DLG2: variants seen among roughly 807,000 people sequenced by gnomAD.
DLG2 encodes discs large MAGUK scaffold protein 2, also known as disks large homolog 2.
DLG2 carries 45 observed loss-of-function variants against 132.5 expected under a neutral mutation model. The ratio of observed to expected loss-of-function variants is 0.34; its 90% CI spans 0.27 to 0.44. The LOEUF is 0.44. DLG2 is among the 20% of genes least tolerant of loss of function. The pLI is 1.00. For missense variants in DLG2, 1,045 were observed against 1,196.9 expected, an observed-to-expected ratio of 0.87 and a Z score of 1.87; for synonymous variants, 424 against 419.6, an observed-to-expected ratio of 1.01 and a Z score of -0.13.
At chr11:84,438,869 A>C (rs1324485610) in intron 7 of DLG2, among the ~76,000 whole-genome samples, 1 of 152,220 alleles carries the variant, frequency 6.6e-6, no homozygotes, top group Non-Finnish European at 1.5e-5. Flanking sequence ...TGAGCAATGA[A>C]GAATCAAAGA....
chr11:84,463,895 G>A (rs2099087054), intron 7 of DLG2, among the ~76,000 whole-genome samples: 1 of 151,218 alleles, frequency 6.6e-6, no homozygotes, highest in Non-Finnish European at 1.5e-5. Flanking sequence ...TAGACTAAGA[G>A]AGAAAGGGAG....
intron 18 of DLG2, among the ~76,000 whole-genome samples, chr11:83,719,586 G>A (rs557663511): frequency 2.4e-4 from 36 of 152,256 alleles, no homozygotes; most frequent in Non-Finnish European, 4.6e-4. Context: ...GAGGCAAGGT[G>A]GAAGTAGGTT....
intron 18 of DLG2, among the ~76,000 whole-genome samples, chr11:83,711,118 T>A (rs192155985): frequency 6.6e-6 from 1 of 152,302 alleles, no homozygotes; most frequent in African/African-American, 2.4e-5. Flanking sequence ...TATTGAACTG[T>A]GCATTCAAAG....
chr11:83,487,852 G>GTAAT lies in DLG2; in HGVS notation c.2194-3628_2194-3625dup, dbSNP rs566637696. Among the ~76,000 whole-genome samples, 27 of 152,116 alleles carry GTAAT rather than the reference G, an allele frequency of 1.8e-4. No homozygotes were observed. The East Asian group carries it at 5.2e-3, about 29-fold the overall frequency. On this transcript the variant is annotated intron_variant, in intron 21 of 27. Coordinates refer to ENST00000376104, the MANE Select transcript of DLG2 (RefSeq NM_001142699.3). ...ACAGGCCATGAACGGCAATTAAAAG[G>GTAAT]TAATTGCCCATTAACTGGCAAATCT... is the stretch of plus-strand genomic sequence containing the variant.
chr11:83,734,650 C>T (rs1468397408), intron 18 of DLG2, among the ~76,000 whole-genome samples: 3 of 152,004 alleles, frequency 2.0e-5, no homozygotes, highest in African/African-American at 7.2e-5. Flanking sequence ...GGGGTTTCAC[C>T]ACGTTGGCTA....
intron 10 of DLG2, among the ~76,000 whole-genome samples, chr11:84,077,295 A>C (rs1175389764): frequency 6.6e-6 from 1 of 152,168 alleles, no homozygotes; most frequent in African/African-American, 2.4e-5. Context: ...CCCTACCAAG[A>C]AAAAGAGAAA....
chr11:85,427,970 T>C (rs1476355434), intron 3 of DLG2, among the ~76,000 whole-genome samples: 1 of 152,110 alleles, frequency 6.6e-6, no homozygotes, highest in Admixed American at 6.5e-5. Context: ...AGGCAGAGGT[T>C]GCAATCCTAG....
chr11:84,706,003 T>C (rs926478799), intron 6 of DLG2, among the ~76,000 whole-genome samples: 6 of 151,776 alleles, frequency 4.0e-5, no homozygotes, highest in Non-Finnish European at 8.8e-5. Context: ...TTGTGACACT[T>C]GAGTTCAATA....
chr11:85,506,684 G>A (rs1448031758), intron 3 of DLG2, among the ~76,000 whole-genome samples: 3 of 152,196 alleles, frequency 2.0e-5, no homozygotes, highest in Non-Finnish European at 4.4e-5. Flanking sequence ...TGAGAAGAAT[G>A]TATATTCTGT....
chr11:84,749,565 C>T (rs2065832134), intron 6 of DLG2, among the ~76,000 whole-genome samples: 1 of 152,142 alleles, frequency 6.6e-6, no homozygotes, highest in African/African-American at 2.4e-5. Context: ...AGCAGTGGGT[C>T]ATACCATGTA....
chr11:84,564,484 G>C (rs186034199), intron 6 of DLG2, among the ~76,000 whole-genome samples: 1 of 152,132 alleles, frequency 6.6e-6, no homozygotes, highest in African/African-American at 2.4e-5. Context: ...AGGCAGGGGG[G>C]TTGCTTGGGA....
At chr11:83,748,537 C>T (rs975070843) in intron 18 of DLG2, among the ~76,000 whole-genome samples, 2 of 152,180 alleles carry the variant, frequency 1.3e-5, no homozygotes, top group Non-Finnish European at 2.9e-5. Context: ...GAGAGATAAA[C>T]AGTCATTACA....
chr11:83,690,646 T>A (rs928793708), intron 18 of DLG2, among the ~76,000 whole-genome samples: 1 of 123,976 alleles, frequency 8.1e-6, no homozygotes, highest in African/African-American at 3.2e-5. Context: ...TATACCTCTG[T>A]AGAGGGTATC....
intron 21 of DLG2, among the ~76,000 whole-genome samples, chr11:83,488,413 A>G (rs2093651303): frequency 6.6e-6 from 1 of 151,992 alleles, no homozygotes; most frequent in Non-Finnish European, 1.5e-5. Flanking sequence ...CTGAGATGTA[A>G]TGGCATTGGT....
intron 6 of DLG2, among the ~76,000 whole-genome samples, chr11:84,970,441 C>T (rs1182822244): frequency 6.6e-6 from 1 of 152,166 alleles, no homozygotes; most frequent in African/African-American, 2.4e-5. Flanking sequence ...TAACAAAATA[C>T]CATAAACCGC....
intron 7 of DLG2, among the ~76,000 whole-genome samples, chr11:84,503,960 T>C (rs190639582): frequency 3.3e-5 from 5 of 152,290 alleles, no homozygotes; most frequent in African/African-American, 9.6e-5. Flanking sequence ...CTCTGATGAA[T>C]TGGAGTGTGA....
chr11:85,372,288 C>G (rs953537094), intron 3 of DLG2, among the ~76,000 whole-genome samples: 10 of 152,324 alleles, frequency 6.6e-5, no homozygotes, highest in South Asian at 2.1e-4. Context: ...GGCTGGGCAC[C>G]AGGCAGCCAA....
At chr11:84,110,117 A>C (rs1351007302) in intron 9 of DLG2, among the ~76,000 whole-genome samples, 1 of 152,170 alleles carries the variant, frequency 6.6e-6, no homozygotes, top group African/African-American at 2.4e-5. Context: ...CTCAAACTCC[A>C]ATGCCTATGA....
chr11:85,616,382 G>T (rs1425399251), intron 2 of DLG2, among the ~76,000 whole-genome samples: 2 of 152,138 alleles, frequency 1.3e-5, no homozygotes, highest in African/African-American at 4.8e-5. Context: ...ACAGGATCTT[G>T]GTGGCATCAT....
Sources: allele counts gnomAD v4.1 joint callset (sites outside exome capture counted in the v4.1 genomes callset), GRCh38; gene constraint gnomAD v4.1.1; transcripts MANE v1.5; gene names NCBI Gene and HGNC (gene_info 2026-07-23, HGNC 2026-07-21).